The following FGF12 variants were observed in gnomAD, a reference collection of about 807,000 sequenced individuals.
FGF12 encodes fibroblast growth factor 12.
In FGF12, 14 loss-of-function variants were observed where a neutral mutation model predicts 23.6. That is an observed-to-expected ratio of 0.59 (90% confidence interval 0.39 to 0.93). The LOEUF is 0.93. Among genes scored for constraint, FGF12 ranks in the 40% least tolerant of loss-of-function variants. The pLI is 0.00. For missense variants in FGF12, 175 were observed against 217.8 expected (o/e 0.80, Z 1.24); for synonymous variants, 62 against 77.3 (o/e 0.80, Z 1.04).
chr3:192,235,305 C>G (rs946962412), intron 4 of FGF12, among the ~76,000 whole-genome samples: 2 of 152,066 alleles, frequency 1.3e-5, no homozygotes, highest in Non-Finnish European at 2.9e-5. Flanking sequence ...TCAATTTCTT[C>G]TAGATTTCTG....
intron 2 of FGF12, among the ~76,000 whole-genome samples, chr3:192,473,981 T>C (rs1723244629): frequency 6.6e-6 from 1 of 152,208 alleles, no homozygotes. Context: ...GAAGCGCTCA[T>C]GGTGTGTGAG....
chr3:192,548,462 C>T (rs1725551600), intron 2 of FGF12, among the ~76,000 whole-genome samples: 2 of 152,090 alleles, frequency 1.3e-5, no homozygotes, highest in East Asian at 3.9e-4. Flanking sequence ...AACATAATTA[C>T]TCAACTTGGA....
intron 2 of FGF12, among the ~76,000 whole-genome samples, chr3:192,426,452 G>A (rs1721689684): frequency 6.6e-6 from 1 of 152,182 alleles, no homozygotes; most frequent in Admixed American, 6.5e-5. Flanking sequence ...AATGAGGCAG[G>A]AAGCTACAAG....
chr3:192,355,869 T>A (rs1718450828), intron 3 of FGF12, among the ~76,000 whole-genome samples: 2 of 152,208 alleles, frequency 1.3e-5, no homozygotes, highest in Non-Finnish European at 2.9e-5. Context: ...TTTGTTTTCG[T>A]CGTGTTCAGA....
At chr3:192,166,704 A>G (rs1380743641) in intron 5 of FGF12, among the ~76,000 whole-genome samples, 1 of 152,266 alleles carries the variant, frequency 6.6e-6, no homozygotes, top group African/African-American at 2.4e-5. Context: ...TGCTTAGAAT[A>G]GCACCTGCAC....
chr3:192,298,255 A>G (rs1429939323), intron 4 of FGF12, among the ~76,000 whole-genome samples: 1 of 152,228 alleles, frequency 6.6e-6, no homozygotes, highest in Admixed American at 6.5e-5. Flanking sequence ...GAAAAATGTT[A>G]TCTGTCCCTT....
chr3:192,179,783 G>A (rs940562561), intron 4 of FGF12, among the ~76,000 whole-genome samples: 1 of 151,894 alleles, frequency 6.6e-6, no homozygotes, highest in Non-Finnish European at 1.5e-5. Context: ...TGACCTCAAG[G>A]GATCTGCCTG....
intron 4 of FGF12, among the ~76,000 whole-genome samples, chr3:192,194,537 A>T (rs1560187369): frequency 6.6e-6 from 1 of 152,214 alleles, no homozygotes; most frequent in South Asian, 2.1e-4. Context: ...GTATTTCCAC[A>T]TGGACTTATT....
intron 2 of FGF12, among the ~76,000 whole-genome samples, chr3:192,464,254 G>A (rs939740281): frequency 3.3e-5 from 5 of 152,068 alleles, no homozygotes; most frequent in African/African-American, 1.2e-4. Flanking sequence ...GGTGTATACT[G>A]TACCCAGTGG....
At chr3:192,432,639 AAAAG>A (rs1007768982) in intron 2 of FGF12, among the ~76,000 whole-genome samples, 25 of 137,164 alleles carry the variant, frequency 1.8e-4, no homozygotes, top group Non-Finnish European at 2.2e-4. Flanking sequence ...AAAAAAAAAA[AAAAG>A]AAAGAAAGAA....
chr3:192,576,016 C>T lies in FGF12; in HGVS notation c.13+151165G>A, dbSNP rs75857581. ...ATTTTAGAATTGTAATTTCACCATC[C>T]AAATAACCTTTGTTTTAAATCATCA... is the stretch of plus-strand genomic sequence containing the variant. On this transcript the variant is annotated intron_variant, in intron 2 of 5. Coordinates refer to ENST00000445105, the MANE Select transcript of FGF12 (RefSeq NM_004113.6). Among the ~76,000 whole-genome samples the T allele has an allele frequency of 8.4e-3, 1,276 of 152,034 alleles. 44 individuals carry two copies. The East Asian group carries it at 0.091, about 11-fold the overall frequency.
chr3:192,553,817 G>A (rs1711630126), intron 2 of FGF12, among the ~76,000 whole-genome samples: 1 of 152,098 alleles, frequency 6.6e-6, no homozygotes, highest in African/African-American at 2.4e-5. Flanking sequence ...GCTGCCCAAG[G>A]AACTGGTTTA....
intron 4 of FGF12, among the ~76,000 whole-genome samples, chr3:192,233,876 G>A (rs944561530): frequency 6.6e-6 from 1 of 151,874 alleles, no homozygotes; most frequent in African/African-American, 2.4e-5. Flanking sequence ...TTTATTTCCG[G>A]GTTATCTAAT....
intron 3 of FGF12, among the ~76,000 whole-genome samples, chr3:192,338,420 A>T (rs1403033): frequency 0.66 from 99,952 of 152,096 alleles, 35,499 homozygotes; most frequent in East Asian, 0.94. Context: ...TACACCTTCT[A>T]ACATATCCTG....
intron 3 of FGF12, among the ~76,000 whole-genome samples, chr3:192,341,104 A>G (rs1219048073): frequency 6.6e-6 from 1 of 152,164 alleles, no homozygotes; most frequent in Non-Finnish European, 1.5e-5. Context: ...AACTCCTATG[A>G]CTCAAAAGGA....
At chr3:192,507,230 G>A (rs895018348) in intron 2 of FGF12, among the ~76,000 whole-genome samples, 2 of 151,930 alleles carry the variant, frequency 1.3e-5, no homozygotes, top group African/African-American at 4.8e-5. Flanking sequence ...CTCTTCTGGG[G>A]TGAGCCTCTT....
intron 4 of FGF12, among the ~76,000 whole-genome samples, chr3:192,231,994 C>T (rs544972770): frequency 3.3e-5 from 5 of 152,194 alleles, no homozygotes; most frequent in Admixed American, 6.5e-5. Flanking sequence ...TGCTCAACGA[C>T]GTAGAGATAA....
chr3:192,280,613 TATG>T (rs1289958684), intron 4 of FGF12, among the ~76,000 whole-genome samples: 1 of 152,110 alleles, frequency 6.6e-6, no homozygotes, highest in Non-Finnish European at 1.5e-5. Flanking sequence ...GCTTTACATT[TATG>T]ATATTATTTT....
intron 2 of FGF12, among the ~76,000 whole-genome samples, chr3:192,423,653 A>G (rs1442807569): frequency 6.6e-6 from 1 of 152,210 alleles, no homozygotes; most frequent in African/African-American, 2.4e-5. Context: ...AAGACCAAGA[A>G]AGGTGCAACA....
Sources: allele counts gnomAD v4.1 joint callset (sites outside exome capture counted in the v4.1 genomes callset), GRCh38; gene constraint gnomAD v4.1.1; transcripts MANE v1.5; gene names NCBI Gene and HGNC (gene_info 2026-07-23, HGNC 2026-07-21).